The following PER3 variants were observed in gnomAD, a reference collection of about 807,000 sequenced individuals.
PER3 encodes the protein period circadian protein homolog 3.
In PER3, 107 loss-of-function variants were observed where a neutral mutation model predicts 127.2. The ratio of observed to expected loss-of-function variants is 0.84; its 90% CI spans 0.72 to 0.99. The LOEUF (loss-of-function observed/expected upper bound fraction) is 0.99. Among genes scored for constraint, PER3 ranks in the 50% least tolerant of loss-of-function variants. The probability of loss-of-function intolerance (pLI) is 0.00; values close to 1 mark genes in which losing one functional copy is unlikely to be tolerated. For missense variants in PER3, 1,560 were observed against 1,525.8 expected (o/e 1.02, Z -0.37); for synonymous variants, 618 against 585.8 (o/e 1.05, Z -0.79).
intron 13 of PER3, among the ~76,000 whole-genome samples, chr1:7,815,760 C>G (rs2097245866): frequency 6.6e-6 from 1 of 150,466 alleles, no homozygotes; most frequent in African/African-American, 2.5e-5. Flanking sequence ...CCGAGGTGGG[C>G]AGATCACAAG....
chr1:7,805,925 A>G (rs1024669778), intron 10 of PER3, among the ~76,000 whole-genome samples: 2 of 152,260 alleles, frequency 1.3e-5, no homozygotes, highest in Admixed American at 1.3e-4. Context: ...CATCTTAACA[A>G]CAAAGATTAT....
chr1:7,814,990 G>T (rs1007652341), intron 13 of PER3, among the ~76,000 whole-genome samples: 3 of 152,142 alleles, frequency 2.0e-5, no homozygotes, highest in African/African-American at 7.2e-5. Context: ...AACCCAAAAT[G>T]GTGGTCAGAA....
chr1:7,793,358 G>A (rs951412857), intron 5 of PER3, among the ~76,000 whole-genome samples: 2 of 152,162 alleles, frequency 1.3e-5, no homozygotes, highest in Non-Finnish European at 2.9e-5. Context: ...GGAATTGCTA[G>A]CAAATCATTG....
At chr1:7,842,455 G>A (rs984826700) in intron 21 of PER3, among the ~76,000 whole-genome samples, 8 of 151,370 alleles carry the variant, frequency 5.3e-5, no homozygotes, top group Admixed American at 1.3e-4. Context: ...AGCTGAGATC[G>A]CACCACTGCA....
Position 7,827,633 on chromosome 1 carries a change from C to T in PER3, c.2704C>T (p.Pro902Ser). The change falls in exon 18 of 22, where the codon CCC becomes TCC. Residue 902 changes from proline (P) to serine (S), a missense_variant. Coordinates refer to ENST00000377532, the MANE Select transcript of PER3 (RefSeq NM_001377275.1). ...AGCAATGAGTCCAACTCTGGACCCA[C>T]CCCCTTCAGTCACCAGCCAAAGGAG... Reference protein sequence around the residue: ...SSAMSPTLDPPPSVTSQRREE... With the variant: ...SSAMSPTLDPSPSVTSQRREE... The T allele has an allele frequency of 6.2e-7, 1 of 1,614,208 alleles. No individual in the cohort carries two copies. The highest frequency in any genetic ancestry group is 1.1e-5 in the South Asian group (1 of 91,084).
Position 7,786,767 on chromosome 1 carries a change from G to T in PER3, c.321G>T (p.Gln107His). The change falls in exon 4 of 22, where the codon CAG (glutamine) becomes CAT (histidine). Residue 107 changes from glutamine (Q) to histidine (H), a missense_variant. Around this residue, in one of 3 missense-constraint regions of PER3, gnomAD observed 1,332 missense variants for 1,223.6 expected, o/e 1.09. Coordinates refer to ENST00000377532, the MANE Select transcript of PER3 (RefSeq NM_001377275.1). ...TTCTCAGTCAGAATGGAGCACCTCA[G>T]GCAGATGTGAGCATGTACAGTCTTG... ...FQILSQNGAP[Q>H]ADVSMYSLEE... 1 of 1,612,720 alleles carries T rather than the reference G, an allele frequency of 6.2e-7. No individual in the cohort carries two copies. The highest frequency in any genetic ancestry group is 8.5e-7 in the Non-Finnish European group (1 of 1,178,724).
At chr1:7,791,768 C>A (rs1219138945) in intron 5 of PER3, among the ~76,000 whole-genome samples, 2 of 152,196 alleles carry the variant, frequency 1.3e-5, no homozygotes, top group African/African-American at 4.8e-5. Context: ...CAAAGTTCCA[C>A]AGATCTCTAG....
chr1:7,793,381 T>G (rs981213862), intron 5 of PER3, among the ~76,000 whole-genome samples: 1 of 152,222 alleles, frequency 6.6e-6, no homozygotes, highest in East Asian at 1.9e-4. Flanking sequence ...ATGAGGGTTG[T>G]GAGAAAACAT....
chr1:7,844,142 AAAAT>A lies in PER3; in HGVS notation c.*1388_*1391del. The A allele has an allele frequency of 8.2e-6, 2 of 245,288 alleles. No individual in the cohort carries two copies. The highest frequency in any genetic ancestry group is 6.1e-5 in the South Asian group (1 of 16,514). 15.2% of individuals were successfully genotyped at this position (245,288 alleles called of 1,614,324 possible). A position where few individuals can be genotyped will look rare whatever the true frequency, so the allele number is the denominator to read the frequency against. On this transcript the variant is annotated 3_prime_UTR_variant, in exon 22 of 22. Coordinates refer to ENST00000377532, the MANE Select transcript of PER3 (RefSeq NM_001377275.1). ...TAAATGCGTCCTGATAATGATTAGG[AAAAT>A]CGACCTTTTCATCCATGATGACCAT...
At chr1:7,787,104 T>G (rs1317615919) in intron 4 of PER3, 1 of 361,716 alleles carries the variant, frequency 2.8e-6, no homozygotes, top group Non-Finnish European at 4.9e-6. Flanking sequence ...CAAGCTCTCT[T>G]GAATTAAGAG....
rs557816637 is a variant in PER3, at chr1:7,789,476, C to T, written c.592+1230C>T. On this transcript the variant is annotated intron_variant, in intron 5 of 21. Transcript: ENST00000377532. ...GCCGTCCATGTAAGATGTAACTTGCCCCTCCTTGCCTTCTGCCGTGATTGT... is the reference window on the plus strand; with the variant it reads ...GCCGTCCATGTAAGATGTAACTTGCTCCTCCTTGCCTTCTGCCGTGATTGT... 6.6e-5 allele frequency among the ~76,000 whole-genome samples: 10 copies of T among 152,262 alleles called. No individual in the cohort carries two copies. The South Asian group carries it at 1.7e-3, about 25-fold the overall frequency.
intron 10 of PER3, 174 bp downstream of exon 10, chr1:7,804,022 C>T (rs1280824229): frequency 1.6e-5 from 8 of 512,686 alleles, no homozygotes; most frequent in Non-Finnish European, 2.4e-5. Context: ...TAAAAGAAGT[C>T]ATAATATCAG....
Position 7,843,883 on chromosome 1 carries a change from C to G in PER3, c.*1128C>G. 1 of 1,253,384 alleles carries G rather than the reference C, an allele frequency of 8.0e-7. No homozygotes were observed. Among genetic ancestry groups the G allele is most frequent in the Non-Finnish European group, 1.0e-6 (1 of 967,728 alleles). The allele number at this position is 1,253,384 out of a possible 1,614,324, so 77.6% of individuals were successfully genotyped here. On this transcript the variant is annotated 3_prime_UTR_variant, in exon 22 of 22. Coordinates refer to ENST00000377532, the MANE Select transcript of PER3 (RefSeq NM_001377275.1). ...TGTTTACTTGATAAATCAGCTCACTCTCTGGTGCTTTTTAGAGAAGTCCCT... is the reference window on the plus strand; with the variant it reads ...TGTTTACTTGATAAATCAGCTCACTGTCTGGTGCTTTTTAGAGAAGTCCCT...
intron 11 of PER3, 30 bp from the exon 12 acceptor site, chr1:7,809,862 AT>A (rs775782227): frequency 1.2e-6 from 2 of 1,609,320 alleles, no homozygotes; most frequent in Non-Finnish European, 1.7e-6. Context: ...ACAGCCAGCA[AT>A]TCTGGACTTG....
chr1:7,810,739 A>G (rs1266579628), intron 13 of PER3, 151 bp downstream of exon 13: 3 of 567,042 alleles, frequency 5.3e-6, no homozygotes, highest in Non-Finnish European at 9.0e-6. Context: ...AGTAATAGCA[A>G]TAGTAGTAAT....
chr1:7,799,030 T>C (rs2097158313), intron 7 of PER3, among the ~76,000 whole-genome samples: 2 of 152,218 alleles, frequency 1.3e-5, no homozygotes, highest in South Asian at 4.1e-4. Flanking sequence ...ACAAGAGTGA[T>C]TTTATGTTTT....
intron 11 of PER3, 117 bp downstream of exon 11, chr1:7,809,115 T>G (rs2097208169): frequency 5.1e-6 from 3 of 582,564 alleles, no homozygotes; most frequent in Non-Finnish European, 9.1e-6. Flanking sequence ...CCCTCTACAT[T>G]CCAGAAATTT....
At position 7,827,280 on chromosome 1, in the gene PER3, C is replaced by G. The variant is rs755312089; in HGVS notation, c.2351C>G (p.Ser784Cys). Reference protein sequence around the residue: ...NAQPCCPSAASSPHTSSPTFP... With the variant: ...NAQPCCPSAACSPHTSSPTFP... ...CAGCCCTGCTGCCCCTCCGCGGCCTCCTCTCCGCACACCTCGAGCCCGACC... is the reference window on the plus strand; with the variant it reads ...CAGCCCTGCTGCCCCTCCGCGGCCTGCTCTCCGCACACCTCGAGCCCGACC... Residue 784 changes from serine to cysteine, a missense_variant, in exon 18 of 22, where the codon TCC becomes TGC. Ser to Cys is a moderately radical substitution (Grantham distance 112, BLOSUM62 -1). This residue lies in a region of PER3 where 1,332 missense variants were observed against 1,223.6 expected (regional missense o/e 1.09). Transcript: ENST00000377532. 37 of 1,613,724 alleles carry G rather than the reference C, an allele frequency of 2.3e-5. No homozygotes were observed. Among genetic ancestry groups the G allele is most frequent in the Non-Finnish European group, 3.0e-5 (35 of 1,179,888 alleles).
At chr1:7,806,870 GT>G (rs1479173188) in intron 10 of PER3, among the ~76,000 whole-genome samples, 2 of 132,738 alleles carry the variant, frequency 1.5e-5, no homozygotes, top group Non-Finnish European at 3.2e-5. Context: ...ACACAATTTA[GT>G]TTTGTAGAAA....
Sources: allele counts gnomAD v4.1 joint callset (sites outside exome capture counted in the v4.1 genomes callset), GRCh38; gene constraint gnomAD v4.1.1; regional missense constraint gnomAD v4.1.1; transcripts MANE v1.5; gene names NCBI Gene and HGNC (gene_info 2026-07-23, HGNC 2026-07-21).